BLOC1S3: variants seen among roughly 807,000 people sequenced by gnomAD.
BLOC1S3 encodes biogenesis of lysosomal organelles complex 1 subunit 3.
In BLOC1S3, 7 loss-of-function variants were observed where a neutral mutation model predicts 9.1. That is an observed-to-expected ratio of 0.77 (90% CI 0.44 to 1.45). The LOEUF (loss-of-function observed/expected upper bound fraction) is 1.45. Among genes scored for constraint, BLOC1S3 ranks in the 40% most tolerant of loss-of-function variants. The pLI, the probability that BLOC1S3 is intolerant of heterozygous loss-of-function variation, is 0.01. For missense variants in BLOC1S3, 307 were observed against 315.2 expected (o/e 0.97, Z 0.20); for synonymous variants, 145 against 158.4 (o/e 0.92, Z 0.64).
intron 2 of BLOC1S3, among the ~76,000 whole-genome samples, chr19:45,194,213 A>T: frequency 7.0e-6 from 1 of 143,478 alleles, no homozygotes; most frequent in East Asian, 2.1e-4. Context: ...CCCAGGTTCA[A>T]GCAATTCTCC....
At chr19:45,191,254 C>T (rs1969605644) in intron 2 of BLOC1S3, among the ~76,000 whole-genome samples, 1 of 152,070 alleles carries the variant, frequency 6.6e-6, no homozygotes, top group Non-Finnish European at 1.5e-5. Flanking sequence ...TCCCGAGTAG[C>T]TGGGATTACA....
At chr19:45,184,595 G>A (rs1439809867), downstream of BLOC1S3, among the ~76,000 whole-genome samples, 3 of 152,038 alleles carry the variant, frequency 2.0e-5, no homozygotes, top group Non-Finnish European at 2.9e-5. Context: ...AACAGAGTGA[G>A]ACCTTGTCTC....
At chr19:45,211,535 C>G (rs530591573) in intron 3 of BLOC1S3, among the ~76,000 whole-genome samples, 2 of 150,918 alleles carry the variant, frequency 1.3e-5, no homozygotes, top group South Asian at 4.2e-4. Flanking sequence ...AAGAAAATGT[C>G]ATTTTCAGAG....
At chr19:45,182,379 A>G (rs1461622740), downstream of BLOC1S3, among the ~76,000 whole-genome samples, 4 of 151,838 alleles carry the variant, frequency 2.6e-5, no homozygotes, top group Admixed American at 6.6e-5. Flanking sequence ...TGTCTCAAAA[A>G]TAAATAGGCC....
At chr19:45,211,567 C>A (rs912432824) in intron 3 of BLOC1S3, among the ~76,000 whole-genome samples, 1 of 151,620 alleles carries the variant, frequency 6.6e-6, no homozygotes, top group Non-Finnish European at 1.5e-5. Flanking sequence ...GAAGGTGCAC[C>A]CTCAGGACAT....
intron 1 of BLOC1S3, chr19:45,187,524 A>G (rs1163465858): frequency 6.6e-6 from 1 of 152,256 alleles, no homozygotes. Flanking sequence ...ATCACCCTTC[A>G]CCTGGCCCCA....
intron 3 of BLOC1S3, among the ~76,000 whole-genome samples, chr19:45,214,340 G>GC (rs1969811006): frequency 6.6e-6 from 1 of 152,142 alleles, no homozygotes; most frequent in Admixed American, 6.6e-5. Flanking sequence ...GAATGTGTCT[G>GC]CCCAAATAGC....
At chr19:45,212,784 G>A (rs1197378631) in intron 3 of BLOC1S3, 1 of 343,208 alleles carries the variant, frequency 2.9e-6, no homozygotes, top group African/African-American at 2.1e-5. Context: ...TGTAGAGATA[G>A]GGGGCAGGTC....
At chr19:45,190,108 C>T (rs1184477516) in intron 2 of BLOC1S3, among the ~76,000 whole-genome samples, 1 of 151,626 alleles carries the variant, frequency 6.6e-6, no homozygotes, top group Non-Finnish European at 1.5e-5. Flanking sequence ...GCCTTGGCCT[C>T]CCAAAGTACT....
intron 2 of BLOC1S3, chr19:45,198,987 C>T (rs1969669699): frequency 6.6e-6 from 1 of 151,962 alleles, no homozygotes; most frequent in Non-Finnish European, 1.5e-5. Context: ...GGATTACAGA[C>T]GTGAACCACT....
intron 3 of BLOC1S3, among the ~76,000 whole-genome samples, chr19:45,206,648 A>G (rs1296884134): frequency 6.9e-6 from 1 of 144,926 alleles, no homozygotes; most frequent in Non-Finnish European, 1.5e-5. Context: ...TTTAATAGAG[A>G]TGGTGTCTCA....
downstream of BLOC1S3, among the ~76,000 whole-genome samples, chr19:45,184,930 A>AC (rs1969555799): frequency 1.4e-5 from 2 of 144,108 alleles, no homozygotes; most frequent in Non-Finnish European, 1.5e-5. Flanking sequence ...AAAAAAAAAA[A>AC]AGGAAGGAAG....
intron 2 of BLOC1S3, among the ~76,000 whole-genome samples, chr19:45,190,506 C>A (rs967376420): frequency 6.6e-6 from 1 of 151,660 alleles, no homozygotes; most frequent in African/African-American, 2.4e-5. Flanking sequence ...CTCTAACCAT[C>A]CTCTCACCTT....
intron 2 of BLOC1S3, among the ~76,000 whole-genome samples, chr19:45,188,760 C>G (rs1294035510): frequency 6.6e-6 from 1 of 151,490 alleles, no homozygotes; most frequent in Non-Finnish European, 1.5e-5. Context: ...TTAGTAGAGA[C>G]GGGGTTTCAC....
intron 2 of BLOC1S3, among the ~76,000 whole-genome samples, chr19:45,193,113 C>T (rs1599752099): frequency 1.2e-5 from 1 of 81,794 alleles, no homozygotes; most frequent in South Asian, 4.8e-4. Context: ...GCCTGGGCAA[C>T]AAGAGCAAAA....
At chr19:45,178,975 T>C (rs1430068148) in intron 1 of BLOC1S3, 144 bp downstream of exon 1, 1 of 281,974 alleles carries the variant, frequency 3.5e-6, no homozygotes, top group African/African-American at 2.2e-5. Flanking sequence ...ATTGGCATGG[T>C]GGACCAGGTG....
In BLOC1S3 at chr19:45,179,124, C is replaced by A. The variant is rs1568469415; in HGVS notation, c.-9-164C>A. On this transcript the variant is annotated intron_variant, in intron 1 of 1. Coordinates refer to ENST00000433642, the MANE Select transcript of BLOC1S3 (RefSeq NM_212550.5). This position sits in a 1 kb window ranked among gnomAD's most constrained non-coding sequence, Gnocchi z 4.6. Reference sequence around the variant, plus strand: ...TGAAGAGCCTGGGGTCCAGTAACCCCCATCATCACCCAGTTTACAGAAGAG... The same window carrying A: ...TGAAGAGCCTGGGGTCCAGTAACCCACATCATCACCCAGTTTACAGAAGAG... 4.3e-6 allele frequency: 3 copies of A among 703,494 alleles called. No individual in the cohort carries two copies. Among genetic ancestry groups the A allele is most frequent in the Non-Finnish European group, 6.4e-6 (3 of 469,618 alleles). The allele number at this position is 703,494 out of a possible 1,614,324, so 43.6% of individuals were successfully genotyped here. A position where few individuals can be genotyped will look rare whatever the true frequency, so the allele number is the denominator to read the frequency against.
downstream of BLOC1S3, among the ~76,000 whole-genome samples, chr19:45,185,039 G>A (rs554627452): frequency 1.1e-4 from 16 of 152,108 alleles, no homozygotes; most frequent in African/African-American, 3.6e-4. Flanking sequence ...TTTCAGAAGA[G>A]GGAGAAGTCG....
downstream of BLOC1S3, among the ~76,000 whole-genome samples, chr19:45,183,623 CTTTTTTTTT>C (rs57651816): frequency 2.9e-5 from 3 of 105,082 alleles, no homozygotes; most frequent in African/African-American, 1.2e-4. Flanking sequence ...CTTTTCTTTT[CTTTTTTTTT>C]TTTTTTTTTT....
Sources: allele counts gnomAD v4.1 joint callset (sites outside exome capture counted in the v4.1 genomes callset), GRCh38; gene constraint gnomAD v4.1.1; non-coding constraint Gnocchi (gnomAD v3.1); transcripts MANE v1.5; gene names NCBI Gene and HGNC (gene_info 2026-07-23, HGNC 2026-07-21).